PTPRN2: variants seen among roughly 807,000 people sequenced by gnomAD.
PTPRN2 encodes the protein protein tyrosine phosphatase receptor type N2.
PTPRN2 carries 74 observed loss-of-function variants against 118.8 expected under a neutral mutation model. That is an observed-to-expected ratio of 0.62 (90% CI 0.52 to 0.76). The LOEUF (loss-of-function observed/expected upper bound fraction) is 0.76. Ranked by LOEUF, PTPRN2 falls within the 30% of genes least tolerant of loss-of-function variation. PTPRN2 has a pLI of 0.00. For synonymous variants in PTPRN2, 641 were observed against 608.0 expected (o/e 1.05, Z -0.80); for missense variants, 1,481 against 1,394.4 (o/e 1.06, Z -0.99).
chr7:157,973,842 GCTGT>G (rs1563287924), intron 11 of PTPRN2, among the ~76,000 whole-genome samples: 3 of 152,188 alleles, frequency 2.0e-5, no homozygotes, highest in African/African-American at 4.8e-5. Context: ...AGTCTCTAGC[GCTGT>G]CTTTCTTCCG....
At chr7:158,020,816 G>GTT (rs1330373597) in intron 11 of PTPRN2, among the ~76,000 whole-genome samples, 1 of 152,194 alleles carries the variant, frequency 6.6e-6, no homozygotes, top group African/African-American at 2.4e-5. Context: ...AAAAAGGGAA[G>GTT]AAGCCTGAGC....
intron 2 of PTPRN2, among the ~76,000 whole-genome samples, chr7:158,389,179 G>C (rs779318427): frequency 6.6e-6 from 1 of 152,252 alleles, no homozygotes; most frequent in Non-Finnish European, 1.5e-5. Context: ...CAGGAGGCAG[G>C]TGCGGCCACT....
intron 2 of PTPRN2, among the ~76,000 whole-genome samples, chr7:158,337,205 G>C (rs1469379306): frequency 2.3e-4 from 35 of 150,808 alleles, no homozygotes; most frequent in Non-Finnish European, 4.6e-4. Context: ...ACCATAAGAG[G>C]TGACACTTGC....
At chr7:158,560,591 C>T (rs1021701551) in intron 1 of PTPRN2, among the ~76,000 whole-genome samples, 12 of 152,272 alleles carry the variant, frequency 7.9e-5, no homozygotes, top group Admixed American at 5.9e-4. Context: ...GTGCTGGGAC[C>T]GTGTGGCGGT....
chr7:157,572,250 G>A (rs1219718692), intron 19 of PTPRN2, among the ~76,000 whole-genome samples: 1 of 152,104 alleles, frequency 6.6e-6, no homozygotes, highest in Non-Finnish European at 1.5e-5. Flanking sequence ...GTCCATTAAA[G>A]TTGTCAGTGA....
intron 2 of PTPRN2, among the ~76,000 whole-genome samples, chr7:158,392,595 G>A (rs1186002895): frequency 6.6e-6 from 1 of 152,162 alleles, no homozygotes; most frequent in Non-Finnish European, 1.5e-5. Flanking sequence ...GTGTCCGTGG[G>A]GGAGGAGTCA....
chr7:157,593,076 T>A (rs13232948), intron 17 of PTPRN2, among the ~76,000 whole-genome samples: 5 of 120,932 alleles, frequency 4.1e-5, no homozygotes, highest in Non-Finnish European at 8.7e-5. Context: ...GGTCGTTGAG[T>A]GTGGATGCCG....
Position 157,674,481 on chromosome 7 carries a change from C to T in PTPRN2, c.2001+8244G>A, listed in dbSNP as rs149563566. On this transcript the variant is annotated intron_variant, in intron 13 of 22. Transcript: ENST00000389418. This position sits in a 1 kb window ranked among gnomAD's most constrained non-coding sequence, Gnocchi z 4.5. ...CTTGTAACACCCAGCTCCTGCATGCCGTGGCGGCTCCAGCCATCATTCCTC... is the reference window on the plus strand; with the variant it reads ...CTTGTAACACCCAGCTCCTGCATGCTGTGGCGGCTCCAGCCATCATTCCTC... Among the ~76,000 whole-genome samples, 143 of 152,352 alleles carry T rather than the reference C, an allele frequency of 9.4e-4. 2 individuals carry two copies. The highest frequency in any genetic ancestry group is 6.7e-3 in the Admixed American group (103 of 15,312).
intron 11 of PTPRN2, chr7:158,031,031 G>C (rs1373714442): frequency 6.6e-6 from 1 of 152,192 alleles, no homozygotes; most frequent in Non-Finnish European, 1.5e-5. Context: ...TAATATCCTC[G>C]AGTGATAAAT....
chr7:157,566,086 C>A (rs1192378575), intron 21 of PTPRN2, among the ~76,000 whole-genome samples: 2 of 152,240 alleles, frequency 1.3e-5, no homozygotes, highest in Non-Finnish European at 2.9e-5. Context: ...AGGCCTTAAT[C>A]CCTGATGGGC....
At chr7:158,322,828 G>A (rs540097927) in intron 2 of PTPRN2, among the ~76,000 whole-genome samples, 8 of 152,358 alleles carry the variant, frequency 5.3e-5, no homozygotes, top group Admixed American at 3.3e-4. Context: ...ATGGGTCTGC[G>A]TTTTAAAACA....
intron 1 of PTPRN2, chr7:158,532,833 G>A: frequency 1.9e-6 from 1 of 534,212 alleles, no homozygotes; most frequent in South Asian, 1.4e-5. Flanking sequence ...CTCTGCACAT[G>A]GCAGAGAGAA....
chr7:158,262,328 A>T (rs950495403), intron 3 of PTPRN2, among the ~76,000 whole-genome samples: 10 of 151,242 alleles, frequency 6.6e-5, no homozygotes, highest in African/African-American at 7.3e-5. Context: ...ACACATTCAC[A>T]CACACTGCAC....
intron 15 of PTPRN2, among the ~76,000 whole-genome samples, chr7:157,620,093 C>G (rs1486667761): frequency 6.6e-6 from 1 of 152,212 alleles, no homozygotes; most frequent in Non-Finnish European, 1.5e-5. Flanking sequence ...CTAAGAAACT[C>G]TACCCACACT....
At chr7:158,326,664 A>T (rs531740634) in intron 2 of PTPRN2, among the ~76,000 whole-genome samples, 5 of 135,754 alleles carry the variant, frequency 3.7e-5, no homozygotes, top group South Asian at 2.4e-4. Context: ...TCACACTCTC[A>T]CATGCACACA....
intron 2 of PTPRN2, among the ~76,000 whole-genome samples, chr7:158,337,304 G>C (rs549665198): frequency 5.1e-5 from 7 of 137,868 alleles, no homozygotes; most frequent in African/African-American, 1.4e-4. Flanking sequence ...GAGCTGTCAC[G>C]CACAGACATC....
At chr7:158,309,536 T>C (rs1394808822) in intron 3 of PTPRN2, among the ~76,000 whole-genome samples, 2 of 152,138 alleles carry the variant, frequency 1.3e-5, no homozygotes, top group African/African-American at 2.4e-5. Flanking sequence ...GTTCTGTCCT[T>C]CTAGAGAACC....
intron 21 of PTPRN2, among the ~76,000 whole-genome samples, chr7:157,554,402 T>C (rs13309522): frequency 1.0e-5 from 1 of 95,732 alleles, no homozygotes; most frequent in Non-Finnish European, 1.9e-5. Flanking sequence ...AGCATGGGTG[T>C]GGCCAGGCCG....
chr7:158,146,784 G>T lies in PTPRN2; in HGVS notation c.911-8269C>A, dbSNP rs778706623. Reference sequence around the variant, plus strand: ...AATTAAAAGCTTCATTTTCTTGAGGGCTACAACATTGTTCTCACACCAGCA... The same window carrying T: ...AATTAAAAGCTTCATTTTCTTGAGGTCTACAACATTGTTCTCACACCAGCA... On this transcript the variant is annotated intron_variant, in intron 6 of 22. Coordinates refer to ENST00000389418, the MANE Select transcript of PTPRN2 (RefSeq NM_002847.5). Among the ~76,000 whole-genome samples, 6 of 149,468 alleles carry T rather than the reference G, an allele frequency of 4.0e-5. No homozygotes were observed. In the East Asian group the frequency reaches 9.6e-4, roughly 24 times the overall value.
Sources: gnomAD v4.1 joint callset for allele counts (sites outside exome capture counted in the v4.1 genomes callset) on GRCh38, gnomAD v4.1.1 for gene constraint, Gnocchi (gnomAD v3.1) non-coding constraint, MANE v1.5 for transcripts, NCBI Gene and HGNC (gene_info 2026-07-23, HGNC 2026-07-21) for gene names.